The following SBSN variants were observed in gnomAD, a reference collection of about 807,000 sequenced individuals.
SBSN encodes suprabasin.
SBSN carries 33 observed loss-of-function variants against 42.8 expected under a neutral mutation model. That is an observed-to-expected ratio of 0.77 (90% CI 0.58 to 1.03). SBSN has a LOEUF of 1.03. SBSN is among the 50% of genes least tolerant of loss of function. The pLI is 0.00. For synonymous variants in SBSN, 276 were observed against 307.0 expected (o/e 0.90, Z 1.06); for missense variants, 646 against 757.3 (o/e 0.85, Z 1.72).
At chr19:35,524,174 C>T (rs997218324) in intron 3 of SBSN, among the ~76,000 whole-genome samples, 2 of 152,124 alleles carry the variant, frequency 1.3e-5, no homozygotes, top group Non-Finnish European at 2.9e-5. Flanking sequence ...AGTGAGACTC[C>T]GTCTCAATAA....
At chr19:35,524,812 G>A (rs756195451) in intron 2 of SBSN, 47 bp downstream of exon 2, 2 of 1,613,628 alleles carry the variant, frequency 1.2e-6, no homozygotes, top group Non-Finnish European at 1.7e-6. Context: ...GCCATGCTAG[G>A]GAACTCCCAG....
intron 3 of SBSN, among the ~76,000 whole-genome samples, chr19:35,524,152 C>T (rs2071342072): frequency 1.3e-5 from 2 of 152,200 alleles, no homozygotes; most frequent in Non-Finnish European, 2.9e-5. Flanking sequence ...TGCACTCCAG[C>T]CTGGGAGATA....
chr19:35,524,971 G>A (rs2285512), intron 1 of SBSN, 47 bp from the exon 2 acceptor site: 179,364 of 1,597,286 alleles, frequency 0.11, 14,444 homozygotes, highest in East Asian at 0.39. Flanking sequence ...AAACGCGGAG[G>A]GTCTCCCAGT....
chr19:35,524,944 T>C lies in SBSN; in HGVS notation c.1639-20A>G. ...GTTGCCCTGTGGACAAAGCCCAGAC[T>C]CTTGTTACAACCCCACAAACGCGGA... On this transcript the variant is annotated intron_variant, in intron 1 of 3. Coordinates refer to ENST00000452271, the MANE Select transcript of SBSN (RefSeq NM_001166034.2). 6.2e-7 allele frequency: 1 copy of C among 1,613,390 alleles called. No homozygotes were observed. The highest frequency in any genetic ancestry group is 2.2e-5 in the East Asian group (1 of 44,856).
In SBSN at chr19:35,528,006, G is replaced by A. The variant is rs773595183; in HGVS notation, c.276C>T (p.His92=). The change falls in exon 1 of 4, where the codon CAC becomes CAT. Residue 92 remains histidine, a synonymous_variant. Coordinates refer to ENST00000452271, the MANE Select transcript of SBSN (RefSeq NM_001166034.2). ...TCTCATGGGCAACCTTGTCCATGCC[G>A]TGGTTGAGCCCCTGGACGCCTTTGT... ...ELDKGVQGLN[H]GMDKVAHEIN... 9.3e-6 allele frequency: 15 copies of A among 1,613,616 alleles called. No individual in the cohort carries two copies. Among genetic ancestry groups the A allele is most frequent in the African/African-American group, 6.7e-5 (5 of 74,864 alleles).
In SBSN at chr19:35,527,791, C is replaced by G. The variant is rs1380079345; in HGVS notation, c.491G>C (p.Gly164Ala). The G allele has an allele frequency of 1.3e-6, 2 of 1,593,794 alleles. No homozygotes were observed. Among genetic ancestry groups the G allele is most frequent in the Non-Finnish European group, 1.7e-6 (2 of 1,168,334 alleles). ...CTGGCCAAACCTCCCAGCCTCATTT[C>G]CAGCCTGCCCTGCAGCATTGTCGAC... ...QGVDNAAGQA[G>A]NEAGRFGQGV... Residue 164 changes from glycine to alanine, a missense_variant, in exon 1 of 4, where the codon GGA (glycine) becomes GCA (alanine). Physicochemically the swap from Gly to Ala is moderately conservative, Grantham distance 60 (BLOSUM62 0). Transcript: ENST00000452271.
Position 35,526,668 on chromosome 19 carries a change from G to A in SBSN, c.1614C>T (p.Ser538=). 2 of 1,538,132 alleles carry A rather than the reference G, an allele frequency of 1.3e-6. No homozygotes were observed. The highest frequency in any genetic ancestry group is 1.8e-6 in the Non-Finnish European group (2 of 1,139,770). The change falls in exon 1 of 4, where the codon AGC becomes AGT. Residue 538 remains serine, a synonymous_variant. Transcript: ENST00000452271. ...QNAHNGVNQA[S]KEANQLLNGN... ...CATTCAGCAGCTGGTTGGCCTCCTT[G>A]CTGGCTTGGTTGACCCCATTATGAG... is the stretch of plus-strand genomic sequence containing the variant.
rs75962883 is a variant in SBSN at position 35,526,696 on chromosome 19, T to C, written c.1586A>G (p.Asn529Ser). Reference sequence around the variant, plus strand: ...GGCTTGGTTGACCCCATTATGAGCATTCTGCAGCTCCTTCCCGGCCTGGCC... The same window carrying C: ...GGCTTGGTTGACCCCATTATGAGCACTCTGCAGCTCCTTCCCGGCCTGGCC... ...AAGQAGKELQ[N>S]AHNGVNQASK... is the part of the protein sequence containing the mutation. The change falls in exon 1 of 4, where the codon AAT (asparagine) becomes AGT (serine). Residue 529 changes from asparagine (N) to serine (S), a missense_variant. Physicochemically the swap from Asn to Ser is conservative, Grantham distance 46 (BLOSUM62 1). This residue lies in a region of SBSN where 236 missense variants were observed against 225.6 expected (regional missense o/e 1.05). Transcript: ENST00000452271. 32,133 of 1,545,676 alleles carry C rather than the reference T, an allele frequency of 0.021. 457 individuals carry two copies. Among genetic ancestry groups the C allele is most frequent in the South Asian group, 0.034 (3,082 of 90,342 alleles).
chr19:35,523,375 C>A lies in SBSN; in HGVS notation c.*135G>T. The A allele has an allele frequency of 1.1e-6, 1 of 869,636 alleles. No homozygotes were observed. The highest frequency in any genetic ancestry group is 1.9e-6 in the Non-Finnish European group (1 of 525,714). 53.9% of individuals were successfully genotyped at this position (869,636 alleles called of 1,614,324 possible). On this transcript the variant is annotated 3_prime_UTR_variant, in exon 4 of 4. Coordinates refer to ENST00000452271, the MANE Select transcript of SBSN (RefSeq NM_001166034.2). ...ACCACAATGAGACAGCATAGTGTAT[C>A]AAGTTTATTCACAAATCCCAGTACA... is the stretch of plus-strand genomic sequence containing the variant.
rs762733426 is a variant in SBSN, at chr19:35,523,461, C to G, written c.*49G>C. On this transcript the variant is annotated 3_prime_UTR_variant, in exon 4 of 4. Transcript: ENST00000452271. The stretch of plus-strand genomic sequence containing the variant: ...CCCCAACCCCTCCAGGTCATGTCAG[C>G]TGATGTGACAACGGCGACATTATTC... 5.6e-6 allele frequency: 9 copies of G among 1,601,976 alleles called. No homozygotes were observed. The highest frequency in any genetic ancestry group is 6.8e-6 in the Non-Finnish European group (8 of 1,169,086).
At chr19:35,524,304 C>G (rs1484116148) in intron 3 of SBSN, among the ~76,000 whole-genome samples, 1 of 152,132 alleles carries the variant, frequency 6.6e-6, no homozygotes, top group African/African-American at 2.4e-5. Flanking sequence ...ACACAGGCTC[C>G]CCCTCCCAGC....
In SBSN at chr19:35,527,817, T is replaced by C; in HGVS notation, c.465A>G (p.Gly155=). ...AGSEAGKFGQ[G]VDNAAGQAGN... ...CAGCCTGCCCTGCAGCATTGTCGAC[T>C]CCCTGGCCAAACTTCCCTGCCTCAC... The change falls in exon 1 of 4, where the codon GGA becomes GGG. Residue 155 remains glycine (G), a synonymous_variant. Transcript: ENST00000452271. 6.2e-7 allele frequency: 1 copy of C among 1,609,958 alleles called. No homozygotes were observed. Among genetic ancestry groups the C allele is most frequent in the Non-Finnish European group, 8.5e-7 (1 of 1,178,612 alleles).
intron 1 of SBSN, 106 bp from the exon 2 acceptor site, chr19:35,525,030 T>C (rs1392368155): frequency 8.3e-7 from 1 of 1,206,612 alleles, no homozygotes; most frequent in South Asian, 1.3e-5. Flanking sequence ...GGGGCTGCGG[T>C]GGGAGGCACA....
At position 35,528,195 on chromosome 19, in the gene SBSN, A is replaced by G. The variant is rs1482283982; in HGVS notation, c.87T>C (p.Ile29=). 1 of 1,613,886 alleles carries G rather than the reference A, an allele frequency of 6.2e-7. No individual in the cohort carries two copies. The highest frequency in any genetic ancestry group is 8.5e-7 in the Non-Finnish European group (1 of 1,180,004). Residue 29 remains isoleucine, a synonymous_variant, in exon 1 of 4, where the codon ATT becomes ATC. Transcript: ENST00000452271. ...GGTTGATCCCTTCAATGACCTTCTC[A>G]ATGGGGTCATCGCTGGCCGCCCATC... ...LSGWAASDDP[I]EKVIEGINRG... is the part of the protein sequence containing the mutation.
At position 35,527,152 on chromosome 19, in the gene SBSN, T is replaced by G. The variant is rs866969152; in HGVS notation, c.1130A>C (p.Asn377Thr). 2 of 1,515,230 alleles carry G rather than the reference T, an allele frequency of 1.3e-6. No homozygotes were observed. Among genetic ancestry groups the G allele is most frequent in the Non-Finnish European group, 1.8e-6 (2 of 1,135,594 alleles). 93.9% of individuals were successfully genotyped at this position (1,515,230 alleles called of 1,614,324 possible). ...KLGHGVHHGV[N>T]EAWKEAEKFG... is the part of the protein sequence containing the mutation. Reference sequence around the variant, plus strand: ...CTTCTCTGCTTCCTTCCAGGCCTCATTAACCCCATGGTGGACCCCATGGCC... The same window carrying G: ...CTTCTCTGCTTCCTTCCAGGCCTCAGTAACCCCATGGTGGACCCCATGGCC... The change falls in exon 1 of 4, where the codon AAT becomes ACT. Residue 377 changes from asparagine (N) to threonine (T), a missense_variant. Asn to Thr is a moderately conservative substitution (Grantham distance 65). Transcript: ENST00000452271.
At position 35,526,892 on chromosome 19, in the gene SBSN, G is replaced by T; in HGVS notation, c.1390C>A (p.His464Asn). The T allele has an allele frequency of 3.1e-6, 5 of 1,612,738 alleles. No individual in the cohort carries two copies. The highest frequency in any genetic ancestry group is 2.2e-5 in the East Asian group (1 of 44,820). The stretch of plus-strand genomic sequence containing the variant: ...TCCTTCCCGGCCTGTTCAAGGGTAT[G>T]GTGAACTCCCTGGCCAAACTGCCCT... ...EAGQFGQGVH[H>N]TLEQAGKEAD... The change falls in exon 1 of 4, where the codon CAT becomes AAT. Residue 464 changes from histidine (H) to asparagine (N), a missense_variant. His to Asn is a moderately conservative substitution (Grantham distance 68). Transcript: ENST00000452271.
At position 35,524,941 on chromosome 19, in the gene SBSN, G is replaced by A. The variant is rs1490296847; in HGVS notation, c.1639-17C>T. On this transcript the variant is annotated splice_polypyrimidine_tract_variant and intron_variant, in intron 1 of 3. Coordinates refer to ENST00000452271, the MANE Select transcript of SBSN (RefSeq NM_001166034.2). ...ATGGTTGCCCTGTGGACAAAGCCCA[G>A]ACTCTTGTTACAACCCCACAAACGC... 6.2e-7 allele frequency: 1 copy of A among 1,613,438 alleles called. No homozygotes were observed. The highest frequency in any genetic ancestry group is 1.3e-5 in the African/African-American group (1 of 74,870).
At chr19:35,526,551 G>A (rs992258877) in intron 1 of SBSN, 93 bp downstream of exon 1, 7 of 1,172,130 alleles carry the variant, frequency 6.0e-6, no homozygotes, top group East Asian at 2.5e-5. Context: ...CAAAGGCTAC[G>A]CGGACCCCCC....
In SBSN at chr19:35,528,202, T is replaced by C; in HGVS notation, c.80A>G (p.Asp27Gly). The C allele has an allele frequency of 6.2e-7, 1 of 1,613,972 alleles. No individual in the cohort carries two copies. The highest frequency in any genetic ancestry group is 2.2e-5 in the East Asian group (1 of 44,864). ...CCCTTCAATGACCTTCTCAATGGGG[T>C]CATCGCTGGCCGCCCATCCAGACAG... ...GALSGWAASD[D>G]PIEKVIEGIN... Residue 27 changes from aspartate to glycine, a missense_variant, in exon 1 of 4, where the codon GAC becomes GGC. Asp to Gly is a moderately conservative substitution (Grantham distance 94). This residue lies in a region of SBSN where 190 missense variants were observed against 197.1 expected (regional missense o/e 0.96). Coordinates refer to ENST00000452271, the MANE Select transcript of SBSN (RefSeq NM_001166034.2).
Sources: allele counts gnomAD v4.1 joint callset (sites outside exome capture counted in the v4.1 genomes callset), GRCh38; gene constraint gnomAD v4.1.1; regional missense constraint gnomAD v4.1.1; transcripts MANE v1.5; gene names NCBI Gene and HGNC (gene_info 2026-07-23, HGNC 2026-07-21).